PCDHGB5: variants seen among roughly 807,000 people sequenced by gnomAD.
PCDHGB5 encodes protocadherin gamma subfamily B, 5.
A neutral mutation model predicts 62.9 loss-of-function variants in PCDHGB5; 48 were observed. The ratio of observed to expected loss-of-function variants is 0.76; its 90% confidence interval spans 0.61 to 0.97. The LOEUF (loss-of-function observed/expected upper bound fraction) is 0.97. PCDHGB5 is among the 50% of genes least tolerant of loss of function. The pLI is 0.00. For synonymous variants in PCDHGB5, 474 were observed against 511.2 expected, an observed-to-expected ratio of 0.93 and a Z score of 0.98; for missense variants, 1,118 against 1,198.6, an observed-to-expected ratio of 0.93 and a Z score of 0.99.
intron 1 of PCDHGB5, 72 bp from the exon 2 acceptor site, chr5:141,494,735 A>C: frequency 6.2e-7 from 1 of 1,610,712 alleles, no homozygotes; most frequent in Middle Eastern, 1.7e-4. Context: ...CTCCCGGCCC[A>C]TCCCTAGGGG....
chr5:141,425,194 A>G (rs1464968527), intron 1 of PCDHGB5, among the ~76,000 whole-genome samples: 1 of 152,206 alleles, frequency 6.6e-6, no homozygotes, highest in Non-Finnish European at 1.5e-5. Context: ...CAAACTGAGA[A>G]AAATGATGTA....
intron 1 of PCDHGB5, among the ~76,000 whole-genome samples, chr5:141,465,904 C>T (rs1364574558): frequency 2.0e-5 from 3 of 152,046 alleles, no homozygotes; most frequent in Admixed American, 6.5e-5. Context: ...GGGCAAATCA[C>T]GAGGTCAGGA....
In PCDHGB5 at chr5:141,432,958, A is replaced by C; in HGVS notation, c.2397+32434A>C. 6.2e-7 allele frequency: 1 copy of C among 1,614,182 alleles called. No individual in the cohort carries two copies. Among genetic ancestry groups the C allele is most frequent in the African/African-American group, 1.3e-5 (1 of 75,056 alleles). On this transcript the variant is annotated intron_variant, in intron 1 of 3. Transcript: ENST00000617380. This position sits in a 1 kb window ranked among gnomAD's most constrained non-coding sequence, Gnocchi z 6.0. ...TGCAGGCTTCAGGAGGCGGCTTGAC[A>C]GGAGCGCCGGCGTCGCACTTTGTGG...
At chr5:141,497,143 GA>G (rs928640875) in intron 2 of PCDHGB5, among the ~76,000 whole-genome samples, 7 of 149,992 alleles carry the variant, frequency 4.7e-5, no homozygotes, top group African/African-American at 9.8e-5. Context: ...CTGAGATCAC[GA>G]AAAAAAAATA....
intron 3 of PCDHGB5, chr5:141,506,988 A>G (rs1364718512): frequency 1.3e-5 from 2 of 152,192 alleles, no homozygotes; most frequent in Non-Finnish European, 2.9e-5. Context: ...CTGATTTCTC[A>G]CACTCGACAG....
chr5:141,431,474 G>A lies in PCDHGB5; in HGVS notation c.2397+30950G>A, dbSNP rs747313827. 2 of 1,613,842 alleles carry A rather than the reference G, an allele frequency of 1.2e-6. No homozygotes were observed. Among genetic ancestry groups the A allele is most frequent in the East Asian group, 4.5e-5 (2 of 44,886 alleles). ...GATGGTTCTGGATGCGAACGACAACGCACCAGCGTTTGCTCAGCCCGAGTA... is the reference window on the plus strand; with the variant it reads ...GATGGTTCTGGATGCGAACGACAACACACCAGCGTTTGCTCAGCCCGAGTA... On this transcript the variant is annotated intron_variant, in intron 1 of 3. Coordinates refer to ENST00000617380, the MANE Select transcript of PCDHGB5 (RefSeq NM_018925.3). This position sits in a 1 kb window ranked among gnomAD's most constrained non-coding sequence, Gnocchi z 4.8.
chr5:141,408,307 C>T, intron 1 of PCDHGB5: 1 of 1,613,820 alleles, frequency 6.2e-7, no homozygotes, highest in East Asian at 2.2e-5. Flanking sequence ...CGATCCGCTA[C>T]TCGATTCCGG....
intron 1 of PCDHGB5, chr5:141,414,738 C>A: frequency 6.2e-7 from 1 of 1,614,238 alleles, no homozygotes; most frequent in Non-Finnish European, 8.5e-7. Context: ...TGTATGCACT[C>A]AGATCCTTCG....
intron 1 of PCDHGB5, chr5:141,408,948 T>C (rs768951087): frequency 6.2e-7 from 1 of 1,613,478 alleles, no homozygotes; most frequent in Non-Finnish European, 8.5e-7. Context: ...GAATATAGAA[T>C]TAGTCTTAGT....
chr5:141,419,469 A>G, intron 1 of PCDHGB5: 1 of 1,612,490 alleles, frequency 6.2e-7, no homozygotes, highest in South Asian at 1.1e-5. Context: ...GCCCGCGACC[A>G]GGGCTCGCCC....
chr5:141,406,253 C>CA (rs2094783585), intron 1 of PCDHGB5, among the ~76,000 whole-genome samples: 1 of 151,976 alleles, frequency 6.6e-6, no homozygotes, highest in Admixed American at 6.6e-5. Flanking sequence ...AGACTGGTCT[C>CA]AAACGATCTT....
chr5:141,466,581 T>C (rs1426600962), intron 1 of PCDHGB5, among the ~76,000 whole-genome samples: 2 of 152,198 alleles, frequency 1.3e-5, no homozygotes, highest in Non-Finnish European at 2.9e-5. Flanking sequence ...GTCTCATCCC[T>C]TCTTAAAACA....
intron 1 of PCDHGB5, chr5:141,403,596 C>T: frequency 6.2e-7 from 1 of 1,613,768 alleles, no homozygotes; most frequent in Non-Finnish European, 8.5e-7. Context: ...CTCACGGCCT[C>T]GGATGGCGGC....
At chr5:141,435,026 C>T (rs977017371) in intron 1 of PCDHGB5, among the ~76,000 whole-genome samples, 1 of 151,978 alleles carries the variant, frequency 6.6e-6, no homozygotes, top group Non-Finnish European at 1.5e-5. Flanking sequence ...GCTCTTTTCC[C>T]ACTTTTATTT....
chr5:141,429,389 A>T (rs6890456), intron 1 of PCDHGB5, among the ~76,000 whole-genome samples: 7,460 of 147,570 alleles, frequency 0.051, 197 homozygotes, highest in South Asian at 0.075. Flanking sequence ...TTTTTTTTTA[A>T]AAAAAATTGA....
At position 141,400,328 on chromosome 5, in the gene PCDHGB5, T is replaced by A. The variant is rs754904671; in HGVS notation, c.2201T>A (p.Val734Glu). Reference protein sequence around the residue: ...QPGLCVKSGPVVPPNYSQGTL... With the variant: ...QPGLCVKSGPEVPPNYSQGTL... ...GGTCTCTGTGTCAAGTCTGGACCTG[T>A]GGTTCCCCCCAACTACAGTCAGGGG... The change falls in exon 1 of 4, where the codon GTG becomes GAG. Residue 734 changes from valine to glutamate, a missense_variant. Physicochemically the swap from Val to Glu is moderately radical, Grantham distance 121. Around this residue, in one of 2 missense-constraint regions of PCDHGB5, gnomAD observed 1,034 missense variants for 1,029.1 expected, o/e 1.00. Coordinates refer to ENST00000617380, the MANE Select transcript of PCDHGB5 (RefSeq NM_018925.3). 80 of 1,613,976 alleles carry A rather than the reference T, an allele frequency of 5.0e-5. No homozygotes were observed. Among genetic ancestry groups the A allele is most frequent in the Non-Finnish European group, 6.4e-5 (76 of 1,179,916 alleles).
At chr5:141,406,827 A>G (rs2094856328) in intron 1 of PCDHGB5, among the ~76,000 whole-genome samples, 1 of 152,242 alleles carries the variant, frequency 6.6e-6, no homozygotes, top group South Asian at 2.1e-4. Context: ...CTAGAAATGA[A>G]CTTGCATATC....
At chr5:141,423,936 G>A (rs2096792092) in intron 1 of PCDHGB5, 1 of 1,225,102 alleles carries the variant, frequency 8.2e-7, no homozygotes. Context: ...TTGGTTTGAA[G>A]TAAGTTGAAT....
chr5:141,490,775 A>G lies in PCDHGB5; in HGVS notation c.2398-4032A>G. 6 of 1,614,110 alleles carry G rather than the reference A, an allele frequency of 3.7e-6. No homozygotes were observed. Among genetic ancestry groups the G allele is most frequent in the Non-Finnish European group, 5.1e-6 (6 of 1,179,964 alleles). On this transcript the variant is annotated intron_variant, in intron 1 of 3. Transcript: ENST00000617380. The surrounding 1 kb of genome is among the most constrained non-coding windows in gnomAD (Gnocchi z 5.4). ...TCCTCCTTTGTGTATGTCAACCCAG[A>G]GGATGGACGGATCTTTGCCCAGCGT...
Sources: allele counts gnomAD v4.1 joint callset (sites outside exome capture counted in the v4.1 genomes callset), GRCh38; gene constraint gnomAD v4.1.1; regional missense constraint gnomAD v4.1.1; non-coding constraint Gnocchi (gnomAD v3.1); transcripts MANE v1.5; gene names NCBI Gene and HGNC (gene_info 2026-07-23, HGNC 2026-07-21).